Variants in CCDC88C observed in about 807,000 individuals in gnomAD.
The protein encoded by CCDC88C is protein Daple.
Under a neutral mutation model 198.8 loss-of-function variants are expected in CCDC88C, and 131 were observed. The observed-to-expected ratio is 0.66, with a 90% confidence interval of 0.57 to 0.76. The LOEUF is 0.76. CCDC88C is among the 30% of genes least tolerant of loss of function. The pLI, the probability that CCDC88C is intolerant of heterozygous loss-of-function variation, is 0.00. For synonymous variants in CCDC88C, 1,166 were observed against 1,114.7 expected, an observed-to-expected ratio of 1.05 and a Z score of -0.92; for missense variants, 2,553 against 2,631.6, an observed-to-expected ratio of 0.97 and a Z score of 0.65.
intron 5 of CCDC88C, 33 bp downstream of exon 5, chr14:91,343,566 G>C: frequency 6.2e-7 from 1 of 1,612,816 alleles, no homozygotes; most frequent in Non-Finnish European, 8.5e-7. Flanking sequence ...GGCTGGGGTA[G>C]GTCCCTCTGC....
rs534496284 is a variant in CCDC88C, at chr14:91,365,927, T to C, written c.271-6216A>G. Reference sequence around the variant, plus strand: ...CTCAAAGGTGTAAAAAGATACATAATTGTATGTACAGTAGGAAATGGATGT... The same window carrying C: ...CTCAAAGGTGTAAAAAGATACATAACTGTATGTACAGTAGGAAATGGATGT... On this transcript the variant is annotated intron_variant, in intron 3 of 29. Coordinates refer to ENST00000389857, the MANE Select transcript of CCDC88C (RefSeq NM_001080414.4). Among the ~76,000 whole-genome samples the C allele has an allele frequency of 3.9e-5, 6 of 152,184 alleles. No individual in the cohort carries two copies. In the East Asian group the frequency reaches 5.8e-4, roughly 15 times the overall value.
intron 3 of CCDC88C, among the ~76,000 whole-genome samples, chr14:91,373,701 G>A (rs964305277): frequency 1.6e-4 from 25 of 152,218 alleles, no homozygotes; most frequent in Admixed American, 2.6e-4. Context: ...AAGCCGGGGA[G>A]GAGGAAGGTT....
intron 3 of CCDC88C, among the ~76,000 whole-genome samples, chr14:91,373,041 C>G (rs949040419): frequency 5.9e-5 from 9 of 152,174 alleles, no homozygotes; most frequent in Non-Finnish European, 1.2e-4. Context: ...AAGCCACAGT[C>G]ACCACAGTGA....
At chr14:91,349,781 A>G (rs1459342387) in intron 4 of CCDC88C, among the ~76,000 whole-genome samples, 1 of 152,258 alleles carries the variant, frequency 6.6e-6, no homozygotes, top group Non-Finnish European at 1.5e-5. Flanking sequence ...GCAGACGTTA[A>G]CAGTCATAAG....
At chr14:91,315,530 C>T (rs1382672838) in intron 14 of CCDC88C, 120 bp downstream of exon 14, 1 of 1,134,942 alleles carries the variant, frequency 8.8e-7, no homozygotes, top group Non-Finnish European at 1.2e-6. Flanking sequence ...TAAGCTGTGG[C>T]TAAGCTAGGT....
chr14:91,298,346 C>T (rs1164541082), intron 21 of CCDC88C, among the ~76,000 whole-genome samples: 1 of 151,914 alleles, frequency 6.6e-6, no homozygotes, highest in Non-Finnish European at 1.5e-5. Flanking sequence ...TGCACTCCAG[C>T]CTGGTGACAG....
chr14:91,339,954 A>G lies in CCDC88C; in HGVS notation c.554T>C (p.Leu185Pro), dbSNP rs996180248. Reference sequence around the variant, plus strand: ...CACCATGCTCCTCGACAGGGCCTCCAGCTCCTCCGGAGCCACGTCGGGCAG... The same window carrying G: ...CACCATGCTCCTCGACAGGGCCTCCGGCTCCTCCGGAGCCACGTCGGGCAG... ...LELPDVAPEE[L>P]EALSRSMVLH... The change falls in exon 7 of 30, where the codon CTG becomes CCG. Residue 185 changes from leucine (L) to proline (P), a missense_variant. Leu to Pro is a moderately conservative substitution (Grantham distance 98). Coordinates refer to ENST00000389857, the MANE Select transcript of CCDC88C (RefSeq NM_001080414.4). This position sits in a 1 kb window ranked among gnomAD's most constrained non-coding sequence, Gnocchi z 5.8. The G allele has an allele frequency of 6.2e-7, 1 of 1,601,070 alleles. No individual in the cohort carries two copies.
At chr14:91,277,116 C>G (rs1374005591) in intron 29 of CCDC88C, among the ~76,000 whole-genome samples, 2 of 152,144 alleles carry the variant, frequency 1.3e-5, no homozygotes, top group Non-Finnish European at 2.9e-5. Context: ...GTTAAAGGCA[C>G]CTGCCACAAG....
intron 20 of CCDC88C, among the ~76,000 whole-genome samples, chr14:91,300,412 A>G (rs1401379680): frequency 1.3e-5 from 2 of 152,228 alleles, no homozygotes; most frequent in African/African-American, 4.8e-5. Context: ...CTTTTAGGGA[A>G]TTATAAATAC....
In CCDC88C at chr14:91,325,944, A is replaced by G. The variant is rs965565487; in HGVS notation, c.1163T>C (p.Leu388Pro). 1 of 1,557,238 alleles carries G rather than the reference A, an allele frequency of 6.4e-7. No individual in the cohort carries two copies. The highest frequency in any genetic ancestry group is 8.7e-7 in the Non-Finnish European group (1 of 1,149,754). ...GTCGTGAAGCTTGGATTTCAGCTGC[A>G]GGTTCTCCTTTTCCAGCTCATGGAC... is the stretch of plus-strand genomic sequence containing the variant. ...DKVHELEKEN[L>P]QLKSKLHDLE... is the part of the protein sequence containing the mutation. The change falls in exon 11 of 30, where the codon CTG (leucine) becomes CCG (proline). Residue 388 changes from leucine to proline, a missense_variant. Transcript: ENST00000389857. This position sits in a 1 kb window ranked among gnomAD's most constrained non-coding sequence, Gnocchi z 4.1.
chr14:91,329,646 G>A (rs1384955885), intron 10 of CCDC88C, among the ~76,000 whole-genome samples: 3 of 152,200 alleles, frequency 2.0e-5, no homozygotes, highest in Non-Finnish European at 4.4e-5. Context: ...AGGTCCCCCT[G>A]CTTAGCAACT....
intron 3 of CCDC88C, 148 bp downstream of exon 3, chr14:91,408,511 A>G (rs1253429154): frequency 4.6e-6 from 3 of 648,178 alleles, no homozygotes. Context: ...ATGCCCCAAC[A>G]AAGGGTTCAC....
Position 91,417,620 on chromosome 14 carries a change from G to A in CCDC88C, c.60+11C>T, listed in dbSNP as rs1437578433. On this transcript the variant is annotated intron_variant, in intron 1 of 29. Coordinates refer to ENST00000389857, the MANE Select transcript of CCDC88C (RefSeq NM_001080414.4). ...GCACCAACAAAGGGGCGGGGAGCCA[G>A]GCGCACTCACCCAGGTCACCAGCGG... 1.3e-6 allele frequency: 2 copies of A among 1,585,390 alleles called. No homozygotes were observed. The highest frequency in any genetic ancestry group is 1.7e-6 in the Non-Finnish European group (2 of 1,167,934).
In CCDC88C at chr14:91,306,949, C is replaced by T. The variant is rs763391685; in HGVS notation, c.3195+89G>A. 1.9e-5 allele frequency: 25 copies of T among 1,345,198 alleles called. No individual in the cohort carries two copies. In the Middle Eastern group the frequency reaches 7.9e-4, roughly 42 times the overall value. 83.3% of individuals were successfully genotyped at this position (1,345,198 alleles called of 1,614,324 possible). ...CTGGCTAAATCTCCTGTGTTCTTTA[C>T]AGCAATGACAAGTCATCAATGGGAC... is the stretch of plus-strand genomic sequence containing the variant. On this transcript the variant is annotated intron_variant, in intron 18 of 29. Coordinates refer to ENST00000389857, the MANE Select transcript of CCDC88C (RefSeq NM_001080414.4).
intron 10 of CCDC88C, among the ~76,000 whole-genome samples, chr14:91,336,892 A>G (rs1893072718): frequency 6.6e-6 from 1 of 152,232 alleles, no homozygotes; most frequent in African/African-American, 2.4e-5. Flanking sequence ...CAAGCCCGAC[A>G]GCTCCACGGC....
At chr14:91,416,627 G>T in intron 2 of CCDC88C, 111 bp downstream of exon 2, 1 of 790,824 alleles carries the variant, frequency 1.3e-6, no homozygotes. Flanking sequence ...CACCTTCAGA[G>T]AACTACCCCC....
intron 3 of CCDC88C, among the ~76,000 whole-genome samples, chr14:91,394,016 C>T (rs762504029): frequency 5.3e-5 from 8 of 152,180 alleles, no homozygotes; most frequent in Admixed American, 1.3e-4. Context: ...TTTAAAGGCA[C>T]GTAAATCTGA....
At chr14:91,311,167 G>T (rs1044223080) in intron 15 of CCDC88C, among the ~76,000 whole-genome samples, 3 of 152,214 alleles carry the variant, frequency 2.0e-5, no homozygotes, top group Non-Finnish European at 4.4e-5. Context: ...GGGTCCCCTG[G>T]ACTCTGGTGA....
At position 91,293,523 on chromosome 14, in the gene CCDC88C, C is replaced by CTCACCCGCCAGAGCTCACCTTCCCAT. The variant is rs1567055698; in HGVS notation, c.4112+649_4112+650insATGGGAAGGTGAGCTCTGGCGGGTGA. On this transcript the variant is annotated intron_variant, in intron 23 of 29. Transcript: ENST00000389857. ...ACCTGCCACGGCCTACCTTCCTGTC[C>CTCACCCGCCAGAGCTCACCTTCCCAT]CCTCACCTGCCACGGCCCACCTTCC... Among the ~76,000 whole-genome samples the CTCACCCGCCAGAGCTCACCTTCCCAT allele has an allele frequency of 1.6e-4, 19 of 120,758 alleles. 4 individuals are homozygous for CTCACCCGCCAGAGCTCACCTTCCCAT. Among genetic ancestry groups the CTCACCCGCCAGAGCTCACCTTCCCAT allele is most frequent in the Non-Finnish European group, 3.3e-4 (18 of 55,288 alleles). The allele number at this position is 120,758 out of a possible 152,430, so 79.2% of individuals were successfully genotyped here.
Sources: allele counts gnomAD v4.1 joint callset (sites outside exome capture counted in the v4.1 genomes callset), GRCh38; gene constraint gnomAD v4.1.1; non-coding constraint Gnocchi (gnomAD v3.1); transcripts MANE v1.5; gene names NCBI Gene and HGNC (gene_info 2026-07-23, HGNC 2026-07-21).